The following CRPPA variants were observed in gnomAD, a reference collection of about 807,000 sequenced individuals.
CRPPA encodes D-ribitol-5-phosphate cytidylyltransferase.
In CRPPA, 43 loss-of-function variants were observed where a neutral mutation model predicts 52.0. The observed-to-expected ratio is 0.83, with a 90% confidence interval of 0.65 to 1.07. CRPPA has a LOEUF of 1.07. CRPPA is among the 50% of genes least tolerant of loss of function. The probability of loss-of-function intolerance (pLI) is 0.00; values close to 1 mark genes in which losing one functional copy is unlikely to be tolerated. For synonymous variants in CRPPA, 250 were observed against 203.5 expected, an observed-to-expected ratio of 1.23 and a Z score of -1.94; for missense variants, 629 against 551.7, an observed-to-expected ratio of 1.14 and a Z score of -1.40.
At chr7:16,357,161 A>ATATTTATT (rs34428357) in intron 3 of CRPPA, among the ~76,000 whole-genome samples, 5,378 of 149,360 alleles carry the variant, frequency 0.036, 297 homozygotes, top group African/African-American at 0.12. Context: ...CCTTTAGGGG[A>ATATTTATT]TATTTATTTA....
chr7:16,370,205 G>A (rs577783289), intron 3 of CRPPA, among the ~76,000 whole-genome samples: 2 of 152,320 alleles, frequency 1.3e-5, no homozygotes, highest in Admixed American at 6.5e-5. Flanking sequence ...CTCAAGTGGG[G>A]ATAAACTCCC....
chr7:16,163,324 C>A (rs535222528), intron 9 of CRPPA, among the ~76,000 whole-genome samples: 1 of 151,532 alleles, frequency 6.6e-6, no homozygotes, highest in Non-Finnish European at 1.5e-5. Context: ...TATCAGAGAC[C>A]AGGATTGCAA....
intron 9 of CRPPA, among the ~76,000 whole-genome samples, chr7:16,162,461 T>C (rs2128382351): frequency 6.6e-6 from 1 of 152,316 alleles, no homozygotes; most frequent in South Asian, 2.1e-4. Flanking sequence ...GAGCAGGTTG[T>C]TCAGTTTCCA....
At position 16,089,695 on chromosome 7, in the gene CRPPA, T is replaced by C. The variant is rs1034683989; in HGVS notation, c.*2000A>G. On this transcript the variant is annotated 3_prime_UTR_variant, in exon 10 of 10. Coordinates refer to ENST00000407010, the MANE Select transcript of CRPPA (RefSeq NM_001101426.4). Reference sequence around the variant, plus strand: ...GCTATGAAGGACCAAATGCTATTTTTTCCAGGCACAACTTAATATTTTATT... The same window carrying C: ...GCTATGAAGGACCAAATGCTATTTTCTCCAGGCACAACTTAATATTTTATT... 2 of 198,468 alleles carry C rather than the reference T, an allele frequency of 1.0e-5. No homozygotes were observed. The highest frequency in any genetic ancestry group is 4.6e-5 in the African/African-American group (2 of 43,744). The allele number at this position is 198,468 out of a possible 1,614,324, so 12.3% of individuals were successfully genotyped here. A position where few individuals can be genotyped will look rare whatever the true frequency, so the allele number is the denominator to read the frequency against.
chr7:16,137,136 G>C (rs959464141), intron 9 of CRPPA, among the ~76,000 whole-genome samples: 1 of 152,198 alleles, frequency 6.6e-6, no homozygotes, highest in African/African-American at 2.4e-5. Flanking sequence ...CCTTTGGAAG[G>C]TGATTAGGTT....
intron 3 of CRPPA, among the ~76,000 whole-genome samples, chr7:16,346,134 T>C (rs1033570214): frequency 6.6e-6 from 1 of 152,092 alleles, no homozygotes; most frequent in Non-Finnish European, 1.5e-5. Flanking sequence ...AATTACTGAG[T>C]GGCTATTATG....
chr7:16,309,168 A>G (rs1330988422), intron 3 of CRPPA, among the ~76,000 whole-genome samples: 1 of 152,228 alleles, frequency 6.6e-6, no homozygotes, highest in Non-Finnish European at 1.5e-5. Flanking sequence ...GAAAAACTGT[A>G]AACATATCTC....
At chr7:16,146,503 C>G (rs2128377530) in intron 9 of CRPPA, among the ~76,000 whole-genome samples, 1 of 152,102 alleles carries the variant, frequency 6.6e-6, no homozygotes, top group East Asian at 1.9e-4. Context: ...ATGGTGATAA[C>G]ACAAATCACT....
chr7:16,278,292 A>G, intron 5 of CRPPA, 66 bp from the exon 6 acceptor site: 1 of 771,282 alleles, frequency 1.3e-6, no homozygotes, highest in Non-Finnish European at 2.1e-6. Flanking sequence ...AGGATGCTGA[A>G]ACATAAACTT....
intron 8 of CRPPA, among the ~76,000 whole-genome samples, chr7:16,243,231 G>C (rs1465750331): frequency 1.3e-5 from 2 of 152,136 alleles, no homozygotes; most frequent in East Asian, 3.9e-4. Context: ...GCCTTTTGAA[G>C]AAGGTGCCTG....
chr7:16,192,813 G>A (rs1394403749), intron 9 of CRPPA, among the ~76,000 whole-genome samples: 5 of 152,092 alleles, frequency 3.3e-5, no homozygotes, highest in Non-Finnish European at 7.4e-5. Flanking sequence ...ACAATTTGCT[G>A]AAATGACTTT....
intron 2 of CRPPA, among the ~76,000 whole-genome samples, chr7:16,382,319 C>T (rs1420489757): frequency 1.3e-5 from 2 of 152,070 alleles, no homozygotes; most frequent in African/African-American, 4.8e-5. Context: ...GAATATTGGC[C>T]CCCACTCTCT....
At chr7:16,317,789 G>A (rs148852258) in intron 3 of CRPPA, among the ~76,000 whole-genome samples, 1 of 152,254 alleles carries the variant, frequency 6.6e-6, no homozygotes, top group Non-Finnish European at 1.5e-5. Flanking sequence ...TTATATGTGA[G>A]TTCTATTTTC....
intron 6 of CRPPA, among the ~76,000 whole-genome samples, chr7:16,263,717 A>C (rs1334906450): frequency 6.6e-6 from 1 of 151,904 alleles, no homozygotes; most frequent in South Asian, 2.1e-4. Flanking sequence ...GTGCCACTGC[A>C]CTCCAGCCTT....
At chr7:16,160,010 CT>C (rs1191017840) in intron 9 of CRPPA, among the ~76,000 whole-genome samples, 2 of 152,210 alleles carry the variant, frequency 1.3e-5, no homozygotes, top group South Asian at 2.1e-4. Flanking sequence ...CCTTTGCCCA[CT>C]TTTTGATGTT....
At chr7:16,411,530 T>C (rs1788077647) in intron 1 of CRPPA, among the ~76,000 whole-genome samples, 1 of 151,834 alleles carries the variant, frequency 6.6e-6, no homozygotes, top group Non-Finnish European at 1.5e-5. Context: ...CCTTTAGTCA[T>C]TTAACAAACA....
chr7:16,269,730 A>G (rs1050727829), intron 6 of CRPPA: 3 of 152,206 alleles, frequency 2.0e-5, no homozygotes, highest in African/African-American at 7.2e-5. Context: ...CCTTGGAACC[A>G]TTGTTTAGCT....
intron 6 of CRPPA, among the ~76,000 whole-genome samples, chr7:16,260,444 C>G (rs1221894812): frequency 6.6e-6 from 1 of 152,004 alleles, no homozygotes. Context: ...CAACAACTAA[C>G]TCTAATTGCA....
intron 8 of CRPPA, among the ~76,000 whole-genome samples, chr7:16,224,142 C>T (rs1381875584): frequency 6.6e-6 from 1 of 151,846 alleles, no homozygotes; most frequent in Admixed American, 6.6e-5. Flanking sequence ...GCGAGGTTTC[C>T]GGCTCTCGGT....
Sources: allele counts gnomAD v4.1 joint callset (sites outside exome capture counted in the v4.1 genomes callset), GRCh38; gene constraint gnomAD v4.1.1; transcripts MANE v1.5; gene names NCBI Gene and HGNC (gene_info 2026-07-23, HGNC 2026-07-21).